HERC4: variants seen among roughly 807,000 people sequenced by gnomAD.
HERC4 encodes the protein HECT and RLD domain containing E3 ubiquitin protein ligase 4, also known as probable E3 ubiquitin-protein ligase HERC4.
HERC4 carries 28 observed loss-of-function variants against 124.3 expected under a neutral mutation model. The ratio of observed to expected loss-of-function variants is 0.23; its 90% CI spans 0.17 to 0.31. The LOEUF (loss-of-function observed/expected upper bound fraction) is 0.31, where lower values mean the gene tolerates loss of function less well. HERC4 is among the 10% of genes least tolerant of loss of function. The pLI, the probability that HERC4 is intolerant of heterozygous loss-of-function variation, is 1.00. For synonymous variants in HERC4, 407 were observed against 421.5 expected (o/e 0.97, Z 0.42); for missense variants, 713 against 1,229.3 (o/e 0.58, Z 6.28).
Position 67,990,347 on chromosome 10 carries a change from A to C in HERC4, c.1497T>G (p.Pro499=). The C allele has an allele frequency of 6.2e-7, 1 of 1,611,910 alleles. No homozygotes were observed. Among genetic ancestry groups the C allele is most frequent in the Non-Finnish European group, 8.5e-7 (1 of 1,178,878 alleles). Residue 499 remains proline (P), a synonymous_variant, in exon 14 of 25, where the codon CCT becomes CCG. Coordinates refer to ENST00000373700, the MANE Select transcript of HERC4 (RefSeq NM_015601.4). Reference sequence around the variant, plus strand: ...GATAAAACCTCAATGCTTCAACATCAGGTAAGGAGCTAGTCAGTTTAGGAA... The same window carrying C: ...GATAAAACCTCAATGCTTCAACATCCGGTAAGGAGCTAGTCAGTTTAGGAA... The part of the protein sequence containing the change: ...NLIPKLTSSL[P]DVEALRFYLT...
chr10:67,947,411 A>G (rs925261676), intron 19 of HERC4, among the ~76,000 whole-genome samples: 8 of 152,262 alleles, frequency 5.3e-5, no homozygotes, highest in African/African-American at 1.9e-4. Flanking sequence ...AGATACAACA[A>G]TTACAAATAG....
At chr10:67,944,515 C>T (rs557642007) in intron 19 of HERC4, among the ~76,000 whole-genome samples, 1 of 152,322 alleles carries the variant, frequency 6.6e-6, no homozygotes, top group Admixed American at 6.5e-5. Flanking sequence ...GTGAAGACTA[C>T]AATAAATACC....
Position 68,072,905 on chromosome 10 carries a change from A to G in HERC4, c.204T>C (p.His68=). 6.4e-7 allele frequency: 1 copy of G among 1,573,350 alleles called. No individual in the cohort carries two copies. The highest frequency in any genetic ancestry group is 1.2e-5 in the South Asian group (1 of 82,556). ...CGCNDLGQLG[H]EKSRKKPEQV... is the part of the protein sequence containing the mutation. ...TACCTGGTTTCTTTCTGGATTTTTC[A>G]TGACCTAGCTGTCCTAGATCATTAC... The change falls in exon 3 of 25, where the codon CAT becomes CAC. Residue 68 remains histidine (H), a synonymous_variant. Coordinates refer to ENST00000373700, the MANE Select transcript of HERC4 (RefSeq NM_015601.4).
At chr10:68,009,423 GTAGTC>G (rs2037796049) in intron 9 of HERC4, among the ~76,000 whole-genome samples, 1 of 151,830 alleles carries the variant, frequency 6.6e-6, no homozygotes, top group Non-Finnish European at 1.5e-5. Flanking sequence ...CCAATATACT[GTAGTC>G]TATTAAGTGT....
At chr10:67,986,287 T>C (rs1188614119) in intron 15 of HERC4, among the ~76,000 whole-genome samples, 2 of 152,226 alleles carry the variant, frequency 1.3e-5, no homozygotes, top group East Asian at 3.8e-4. Context: ...AAAGTAGTGG[T>C]TTTCCATTCA....
chr10:67,973,361 C>T (rs980421331), intron 15 of HERC4, among the ~76,000 whole-genome samples: 10 of 152,168 alleles, frequency 6.6e-5, no homozygotes, highest in African/African-American at 2.4e-4. Context: ...AATAAGCTGA[C>T]CTCAACCGTC....
At chr10:67,958,377 G>A (rs1311681899) in intron 16 of HERC4, among the ~76,000 whole-genome samples, 3 of 125,314 alleles carry the variant, frequency 2.4e-5, no homozygotes, top group Admixed American at 7.7e-5. Context: ...GCACCCTTTG[G>A]CTTCAAAACT....
At chr10:67,944,486 G>C (rs1413385713) in intron 19 of HERC4, among the ~76,000 whole-genome samples, 1 of 152,162 alleles carries the variant, frequency 6.6e-6, no homozygotes, top group Non-Finnish European at 1.5e-5. Context: ...AGAAGGATGA[G>C]TACAAATAAA....
intron 16 of HERC4, among the ~76,000 whole-genome samples, chr10:67,963,617 T>C (rs970356375): frequency 2.6e-5 from 4 of 152,236 alleles, no homozygotes; most frequent in Non-Finnish European, 4.4e-5. Context: ...TTATATAATA[T>C]GTAAGTGAAC....
chr10:68,048,285 C>T (rs898957184), intron 3 of HERC4, among the ~76,000 whole-genome samples: 1 of 152,058 alleles, frequency 6.6e-6, no homozygotes, highest in Non-Finnish European at 1.5e-5. Flanking sequence ...AGACGTCCTT[C>T]AGTAGGTGAA....
chr10:68,037,181 GCCT>G (rs1288172989), intron 5 of HERC4, among the ~76,000 whole-genome samples: 2 of 142,328 alleles, frequency 1.4e-5, no homozygotes, highest in African/African-American at 2.6e-5. Context: ...TGCAACTTCC[GCCT>G]CCCGGGTTCA....
intron 23 of HERC4, among the ~76,000 whole-genome samples, chr10:67,931,869 T>C (rs1263713147): frequency 1.3e-5 from 2 of 152,212 alleles, no homozygotes; most frequent in Non-Finnish European, 2.9e-5. Flanking sequence ...ATCAAGAGAT[T>C]CTCCCACTGC....
chr10:67,929,808 C>T (rs1036448465), intron 23 of HERC4, among the ~76,000 whole-genome samples: 1 of 145,444 alleles, frequency 6.9e-6, no homozygotes, highest in African/African-American at 2.8e-5. Flanking sequence ...AGACACCACA[C>T]CCAGCTGTGC....
At chr10:67,981,764 C>T (rs886464622) in intron 15 of HERC4, among the ~76,000 whole-genome samples, 5 of 152,100 alleles carry the variant, frequency 3.3e-5, no homozygotes, top group African/African-American at 1.2e-4. Context: ...TCAAAACCAG[C>T]CCAGTCAACA....
intron 9 of HERC4, chr10:67,994,104 A>G (rs1183452264): frequency 1.3e-5 from 2 of 152,228 alleles, no homozygotes; most frequent in Non-Finnish European, 2.9e-5. Context: ...TAATTTGATA[A>G]TTACTATCAA....
intron 9 of HERC4, chr10:68,010,665 T>A: frequency 6.8e-7 from 1 of 1,467,942 alleles, no homozygotes; most frequent in Non-Finnish European, 9.4e-7. Flanking sequence ...CACCCACTTC[T>A]GCAGCAAGGG....
chr10:67,981,116 A>T (rs1483777706), intron 15 of HERC4, among the ~76,000 whole-genome samples: 1 of 152,228 alleles, frequency 6.6e-6, no homozygotes, highest in Non-Finnish European at 1.5e-5. Flanking sequence ...CATGAATAGA[A>T]AAATAAGACC....
chr10:68,004,241 A>G (rs2132983392), intron 9 of HERC4, among the ~76,000 whole-genome samples: 1 of 152,344 alleles, frequency 6.6e-6, no homozygotes, highest in East Asian at 1.9e-4. Flanking sequence ...GTTGAGTTCA[A>G]CAGAGTTCAA....
intron 8 of HERC4, among the ~76,000 whole-genome samples, chr10:68,022,876 T>C (rs889177632): frequency 2.0e-5 from 3 of 152,112 alleles, no homozygotes; most frequent in African/African-American, 4.8e-5. Flanking sequence ...AACACTTTAA[T>C]TGACATTTCT....
Sources: gnomAD v4.1 joint callset for allele counts (sites outside exome capture counted in the v4.1 genomes callset) on GRCh38, gnomAD v4.1.1 for gene constraint, MANE v1.5 for transcripts, NCBI Gene and HGNC (gene_info 2026-07-23, HGNC 2026-07-21) for gene names.